TMEM132C: variants seen among roughly 807,000 people sequenced by gnomAD.
The protein encoded by TMEM132C is protein phosphatase 1, regulatory subunit 152.
Under a neutral mutation model 61.4 loss-of-function variants are expected in TMEM132C, and 29 were observed. The ratio of observed to expected loss-of-function variants is 0.47; its 90% CI spans 0.35 to 0.64. The LOEUF is 0.64. Ranked by LOEUF, TMEM132C falls within the 30% of genes least tolerant of loss-of-function variation. The pLI is 0.00. For missense variants in TMEM132C, 1,408 were observed against 1,476.9 expected, an observed-to-expected ratio of 0.95 and a Z score of 0.76; for synonymous variants, 656 against 633.1, an observed-to-expected ratio of 1.04 and a Z score of -0.54.
chr12:128,599,512 A>G lies in TMEM132C; in HGVS notation c.1122-16640A>G, dbSNP rs78194102. Among the ~76,000 whole-genome samples, 1,211 of 152,300 alleles carry G rather than the reference A, an allele frequency of 8.0e-3. 19 individuals are homozygous for G. Among genetic ancestry groups the G allele is most frequent in the African/African-American group, 0.028 (1,148 of 41,560 alleles). On this transcript the variant is annotated intron_variant, in intron 3 of 8. Transcript: ENST00000435159. ...CTTGCTGCTGCTACTTTCATACAGA[A>G]ATAGGATCTCCATATTTGAAACTAT...
chr12:128,366,329 T>C (rs1243566889), intron 1 of TMEM132C, among the ~76,000 whole-genome samples: 1 of 152,210 alleles, frequency 6.6e-6, no homozygotes, highest in Non-Finnish European at 1.5e-5. Flanking sequence ...TTAGTGCCAT[T>C]TCCCCCCAGC....
chr12:128,652,683 C>A (rs111628719), intron 4 of TMEM132C, among the ~76,000 whole-genome samples: 4 of 152,216 alleles, frequency 2.6e-5, no homozygotes, highest in African/African-American at 9.6e-5. Context: ...GCCCCTGACC[C>A]GGGTAAAGCC....
intron 1 of TMEM132C, among the ~76,000 whole-genome samples, chr12:128,300,801 C>T (rs540808592): frequency 1.9e-4 from 29 of 152,238 alleles, no homozygotes; most frequent in Non-Finnish European, 3.8e-4. Flanking sequence ...CTTTGGGAGA[C>T]GTAAGCGGGA....
chr12:128,324,207 G>A lies in TMEM132C; in HGVS notation c.85+56720G>A, dbSNP rs561426618. Among the ~76,000 whole-genome samples, 4 of 152,230 alleles carry A rather than the reference G, an allele frequency of 2.6e-5. No homozygotes were observed. In the South Asian group the frequency reaches 8.3e-4, roughly 32 times the overall value. On this transcript the variant is annotated intron_variant, in intron 1 of 8. Transcript: ENST00000435159. ...TCAGGAGTGGAAGTGCAAATAGAGG[G>A]TTGCTTACCAGATGTGGTGGTGGTT...
At chr12:128,554,552 G>T (rs1159666445) in intron 3 of TMEM132C, among the ~76,000 whole-genome samples, 2 of 152,340 alleles carry the variant, frequency 1.3e-5, no homozygotes, top group East Asian at 3.9e-4. Context: ...TAAATCATGT[G>T]CAAAAGTGGC....
At position 128,696,047 on chromosome 12, in the gene TMEM132C, A is replaced by T; in HGVS notation, c.1873A>T (p.Thr625Ser). 1 of 1,551,602 alleles carries T rather than the reference A, an allele frequency of 6.4e-7. No homozygotes were observed. The highest frequency in any genetic ancestry group is 8.7e-7 in the Non-Finnish European group (1 of 1,146,994). Residue 625 changes from threonine (T) to serine (S), a missense_variant, in exon 7 of 9, where the codon ACC becomes TCC. Physicochemically the swap from Thr to Ser is moderately conservative, Grantham distance 58. Coordinates refer to ENST00000435159, the MANE Select transcript of TMEM132C (RefSeq NM_001136103.3). ...GAAGCTGGAGGAACCTCACGTGGCC[A>T]CCCTCCAGGACAGCCGGGTCCTGGT... ...FMKLEEPHVATLQDSRVLVGR... is the reference protein window; with the variant it reads ...FMKLEEPHVASLQDSRVLVGR...
At chr12:128,385,387 TCGAGACA>T (rs1874545444) in intron 1 of TMEM132C, among the ~76,000 whole-genome samples, 1 of 145,412 alleles carries the variant, frequency 6.9e-6, no homozygotes, top group East Asian at 2.0e-4. Flanking sequence ...TTGCAAAGAT[TCGAGACA>T]TAAACGCCGA....
chr12:128,641,004 A>G (rs1954153886), intron 4 of TMEM132C, among the ~76,000 whole-genome samples: 1 of 152,204 alleles, frequency 6.6e-6, no homozygotes, highest in South Asian at 2.1e-4. Flanking sequence ...CAAATGCCAC[A>G]CTTGCTGATG....
At chr12:128,566,620 G>A (rs1186600625) in intron 3 of TMEM132C, among the ~76,000 whole-genome samples, 2 of 152,210 alleles carry the variant, frequency 1.3e-5, no homozygotes, top group Admixed American at 6.5e-5. Context: ...AGTTTGAATG[G>A]CAGAGTGACG....
At position 128,577,632 on chromosome 12, in the gene TMEM132C, T is replaced by G. The variant is rs544023288; in HGVS notation, c.1121+33529T>G. Among the ~76,000 whole-genome samples the G allele has an allele frequency of 2.0e-5, 3 of 152,362 alleles. No homozygotes were observed. In the East Asian group the frequency reaches 5.8e-4, roughly 29 times the overall value. ...ATTGAACTGTGCCTCTCGCCACCGG[T>G]GCACTCTGCTTTTATTAACTCAGCT... On this transcript the variant is annotated intron_variant, in intron 3 of 8. Transcript: ENST00000435159.
At chr12:128,638,829 G>C (rs1954122176) in intron 4 of TMEM132C, among the ~76,000 whole-genome samples, 1 of 151,778 alleles carries the variant, frequency 6.6e-6, no homozygotes, top group Admixed American at 6.6e-5. Context: ...TGGTAATGAT[G>C]GTAGTGATGA....
chr12:128,442,334 C>G (rs557148376), intron 2 of TMEM132C, among the ~76,000 whole-genome samples: 7 of 152,306 alleles, frequency 4.6e-5, no homozygotes, highest in Non-Finnish European at 8.8e-5. Flanking sequence ...TTCTCCAGGG[C>G]ATATGCACAT....
intron 2 of TMEM132C, among the ~76,000 whole-genome samples, chr12:128,444,044 C>T (rs1038217297): frequency 6.6e-6 from 1 of 152,202 alleles, no homozygotes; most frequent in Non-Finnish European, 1.5e-5. Flanking sequence ...CTGCCTCAGC[C>T]TTGTAAGTAC....
intron 1 of TMEM132C, among the ~76,000 whole-genome samples, chr12:128,327,077 C>T (rs1012798705): frequency 6.7e-6 from 1 of 150,048 alleles, no homozygotes; most frequent in Admixed American, 6.6e-5. Context: ...TCATATCACA[C>T]CATTTATTCA....
intron 5 of TMEM132C, among the ~76,000 whole-genome samples, chr12:128,684,428 T>G (rs1291461034): frequency 6.6e-6 from 1 of 152,210 alleles, no homozygotes; most frequent in Non-Finnish European, 1.5e-5. Flanking sequence ...AAAGTATGAC[T>G]TTCTCTGGTC....
chr12:128,503,230 T>C (rs1427313101), intron 2 of TMEM132C, among the ~76,000 whole-genome samples: 1 of 152,218 alleles, frequency 6.6e-6, no homozygotes, highest in Non-Finnish European at 1.5e-5. Flanking sequence ...AGATACATTA[T>C]CTATGCATGG....
At chr12:128,455,681 T>C (rs943501319) in intron 2 of TMEM132C, among the ~76,000 whole-genome samples, 1 of 152,234 alleles carries the variant, frequency 6.6e-6, no homozygotes, top group Non-Finnish European at 1.5e-5. Flanking sequence ...GGGTGATAAG[T>C]AAACATGACA....
At chr12:128,459,137 C>T (rs1358907756) in intron 2 of TMEM132C, among the ~76,000 whole-genome samples, 1 of 152,132 alleles carries the variant, frequency 6.6e-6, no homozygotes, top group East Asian at 1.9e-4. Context: ...GACCAGCAGC[C>T]CCTTTGGAGA....
intron 8 of TMEM132C, among the ~76,000 whole-genome samples, chr12:128,700,801 C>T (rs1954798362): frequency 6.6e-6 from 1 of 152,176 alleles, no homozygotes; most frequent in African/African-American, 2.4e-5. Flanking sequence ...TTGTGTGATT[C>T]ATCAGCTGAT....
Sources: gnomAD v4.1 joint callset for allele counts (sites outside exome capture counted in the v4.1 genomes callset) on GRCh38, gnomAD v4.1.1 for gene constraint, MANE v1.5 for transcripts, NCBI Gene and HGNC (gene_info 2026-07-23, HGNC 2026-07-21) for gene names.